The following RALGAPA1 variants were observed in gnomAD, a reference collection of about 807,000 sequenced individuals.
The protein encoded by RALGAPA1 is Ral GTPase activating protein catalytic subunit alpha 1, also known as ral GTPase-activating protein subunit alpha-1.
A neutral mutation model predicts 269.6 loss-of-function variants in RALGAPA1; 52 were observed. The observed-to-expected ratio is 0.19, with a 90% CI of 0.15 to 0.24. RALGAPA1 has a LOEUF of 0.24. RALGAPA1 is among the 10% of genes least tolerant of loss of function. RALGAPA1 has a pLI of 1.00. For synonymous variants in RALGAPA1, 817 were observed against 1,008.3 expected (o/e 0.81, Z 3.60); for missense variants, 1,917 against 3,013.9 (o/e 0.64, Z 8.52).
chr14:35,608,022 C>T (rs1214738839), intron 35 of RALGAPA1, among the ~76,000 whole-genome samples: 1 of 152,138 alleles, frequency 6.6e-6, no homozygotes, highest in Non-Finnish European at 1.5e-5. Context: ...CACTGAATAA[C>T]CTGAACTCAG....
In RALGAPA1 at chr14:35,645,346, G is replaced by GGTGGGTGTGTGTGTGT. The variant is rs1555387899; in HGVS notation, c.5676+6458_5676+6459insACACACACACACCCAC. Among the ~76,000 whole-genome samples the GGTGGGTGTGTGTGTGT allele has an allele frequency of 1.8e-4, 23 of 129,558 alleles. 2 individuals are homozygous for GGTGGGTGTGTGTGTGT. Among genetic ancestry groups the GGTGGGTGTGTGTGTGT allele is most frequent in the South Asian group, 1.1e-3 (4 of 3,632 alleles). 85.0% of individuals were successfully genotyped at this position (129,558 alleles called of 152,430 possible). A position where few individuals can be genotyped will look rare whatever the true frequency, so the allele number is the denominator to read the frequency against. On this transcript the variant is annotated intron_variant, in intron 31 of 41. Coordinates refer to ENST00000680220, the MANE Select transcript of RALGAPA1 (RefSeq NM_001346249.2). ...TCAGTCTATAGCAGATATAGAGATG[G>GGTGGGTGTGTGTGTGT]GTGTGTGTGTGTGTGTGTGTGTGTG... is the stretch of plus-strand genomic sequence containing the variant.
At position 35,648,558 on chromosome 14, in the gene RALGAPA1, G is replaced by A. The variant is rs191736722; in HGVS notation, c.5676+3247C>T. ...AGCACTTAGGGAGGCCAAGGCGGGC[G>A]GTTCACTTCAGCTCAAGCTCCTGAG... On this transcript the variant is annotated intron_variant, in intron 31 of 41. Transcript: ENST00000680220. 2.0e-4 allele frequency among the ~76,000 whole-genome samples: 30 copies of A among 151,808 alleles called. No individual in the cohort carries two copies. In the East Asian group the frequency reaches 5.8e-3, roughly 29 times the overall value.
intron 19 of RALGAPA1, 56 bp from the exon 20 acceptor site, chr14:35,685,201 A>C: frequency 1.4e-6 from 2 of 1,439,344 alleles, no homozygotes; most frequent in South Asian, 2.6e-5. Context: ...CTCTTTAACC[A>C]TCTGAAACCT....
At chr14:35,739,288 G>C (rs1203492937) in intron 11 of RALGAPA1, among the ~76,000 whole-genome samples, 2 of 152,062 alleles carry the variant, frequency 1.3e-5, no homozygotes, top group African/African-American at 2.4e-5. Flanking sequence ...AAATAGTTAA[G>C]TTTTACAAAA....
chr14:35,762,822 A>G, intron 4 of RALGAPA1, 69 bp from the exon 5 acceptor site: 1 of 913,802 alleles, frequency 1.1e-6, no homozygotes, highest in South Asian at 1.3e-5. Context: ...TCTCGGTCGG[A>G]CTTGAAAACA....
At chr14:35,658,278 G>A (rs577646846) in intron 28 of RALGAPA1, among the ~76,000 whole-genome samples, 2 of 152,284 alleles carry the variant, frequency 1.3e-5, no homozygotes, top group African/African-American at 4.8e-5. Flanking sequence ...CTGGAGCTAT[G>A]TCTTAATTTA....
chr14:35,740,809 A>AAAT (rs930203276), intron 11 of RALGAPA1, among the ~76,000 whole-genome samples: 7 of 152,144 alleles, frequency 4.6e-5, no homozygotes, highest in African/African-American at 7.2e-5. Flanking sequence ...CCTTGTTTCA[A>AAAT]AATAATAATA....
chr14:35,750,029 G>T (rs1358998266), intron 9 of RALGAPA1, among the ~76,000 whole-genome samples: 2 of 152,078 alleles, frequency 1.3e-5, no homozygotes, highest in African/African-American at 4.8e-5. Context: ...TTCCTCTACT[G>T]TATTGCTTTG....
chr14:35,570,809 C>G (rs899994621), intron 38 of RALGAPA1, 65 bp from the exon 39 acceptor site: 25 of 1,445,522 alleles, frequency 1.7e-5, no homozygotes, highest in Middle Eastern at 1.8e-4. Context: ...TAAGAGCAAT[C>G]AAGACACTTT....
intron 16 of RALGAPA1, among the ~76,000 whole-genome samples, chr14:35,716,489 C>T (rs1055631428): frequency 6.6e-6 from 1 of 151,690 alleles, no homozygotes; most frequent in Admixed American, 6.6e-5. Context: ...TAAGATCATC[C>T]TTCTATATAC....
intron 1 of RALGAPA1, among the ~76,000 whole-genome samples, chr14:35,790,231 C>G (rs181523258): frequency 6.7e-6 from 1 of 149,476 alleles, no homozygotes; most frequent in Non-Finnish European, 1.5e-5. Context: ...CCAGCCTGGA[C>G]GACAGAGTGA....
At chr14:35,733,942 C>CAAAT (rs1351904337) in intron 12 of RALGAPA1, among the ~76,000 whole-genome samples, 3,030 of 151,506 alleles carry the variant, frequency 0.02, 88 homozygotes, top group African/African-American at 0.065. Flanking sequence ...ATTATAGCTG[C>CAAAT]AAATAAACAA....
chr14:35,682,764 T>C (rs967229474), intron 21 of RALGAPA1, among the ~76,000 whole-genome samples: 1 of 152,330 alleles, frequency 6.6e-6, no homozygotes, highest in Non-Finnish European at 1.5e-5. Context: ...GAATTTTCTC[T>C]AGTATTCCAC....
At chr14:35,590,828 G>A (rs916592584) in intron 37 of RALGAPA1, among the ~76,000 whole-genome samples, 7 of 152,166 alleles carry the variant, frequency 4.6e-5, no homozygotes, top group East Asian at 1.9e-4. Flanking sequence ...AGTGAAGTGC[G>A]AAGAGCTTTG....
At chr14:35,595,503 C>A in intron 37 of RALGAPA1, 131 bp downstream of exon 37, 1 of 758,544 alleles carries the variant, frequency 1.3e-6, no homozygotes, top group South Asian at 1.6e-5. Flanking sequence ...ATTTTCAAGA[C>A]AGCACTGGGT....
intron 4 of RALGAPA1, chr14:35,766,405 C>T (rs2074153839): frequency 6.4e-7 from 1 of 1,567,066 alleles, no homozygotes; most frequent in Non-Finnish European, 8.7e-7. Flanking sequence ...CTGGAATTAT[C>T]AAGTGAAGTA....
At position 35,683,922 on chromosome 14, in the gene RALGAPA1, T is replaced by C. The variant is rs747427887; in HGVS notation, c.4358A>G (p.His1453Arg). 1.2e-5 allele frequency: 20 copies of C among 1,613,596 alleles called. No individual in the cohort carries two copies. The highest frequency in any genetic ancestry group is 1.6e-5 in the Non-Finnish European group (19 of 1,179,766). ...TTCCTGCTCTTCAGCACTCTGATGA[T>C]GGCCAGAACCTGAATCCACATCAGC... ...SSADVDSGSG[H>R]HQSAEEQEVA... The change falls in exon 21 of 42, where the codon CAT becomes CGT. Residue 1453 changes from histidine (H) to arginine (R), a missense_variant. By Grantham distance (29) the His-to-Arg change is conservative. Around this residue, in one of 11 missense-constraint regions of RALGAPA1, gnomAD observed 615 missense variants for 790.0 expected, o/e 0.78. Transcript: ENST00000680220.
At chr14:35,753,350 G>A (rs1042489314) in intron 7 of RALGAPA1, among the ~76,000 whole-genome samples, 2 of 152,144 alleles carry the variant, frequency 1.3e-5, no homozygotes, top group East Asian at 3.9e-4. Flanking sequence ...AGGGGAGAAA[G>A]CTTTTTCCTA....
In RALGAPA1 at chr14:35,733,998, G is replaced by T. The variant is rs137881275; in HGVS notation, c.1587+4515C>A. ...AATACTTAGGAATATACCTAACCAA[G>T]GAGGCGAAAGACCTCTACAAGGAAA... On this transcript the variant is annotated intron_variant, in intron 12 of 41. Coordinates refer to ENST00000680220, the MANE Select transcript of RALGAPA1 (RefSeq NM_001346249.2). 4.1e-3 allele frequency among the ~76,000 whole-genome samples: 624 copies of T among 152,112 alleles called. 3 individuals carry two copies. Among genetic ancestry groups the T allele is most frequent in the African/African-American group, 0.015 (602 of 41,482 alleles).
Sources: gnomAD v4.1 joint callset for allele counts (sites outside exome capture counted in the v4.1 genomes callset) on GRCh38, gnomAD v4.1.1 for gene constraint, gnomAD v4.1.1 regional missense constraint, MANE v1.5 for transcripts, NCBI Gene and HGNC (gene_info 2026-07-23, HGNC 2026-07-21) for gene names.